Variants in REXO1 observed in about 807,000 individuals in gnomAD.
REXO1 encodes RNA exonuclease 1 homolog.
REXO1 carries 42 observed loss-of-function variants against 102.6 expected under a neutral mutation model. The ratio of observed to expected loss-of-function variants is 0.41; its 90% confidence interval spans 0.32 to 0.53. The LOEUF (loss-of-function observed/expected upper bound fraction) is 0.53. Ranked by LOEUF, REXO1 falls within the 20% of genes least tolerant of loss-of-function variation. The pLI, the probability that REXO1 is intolerant of heterozygous loss-of-function variation, is 0.27. For missense variants in REXO1, 1,819 were observed against 1,732.5 expected, an observed-to-expected ratio of 1.05 and a Z score of -0.89; for synonymous variants, 908 against 779.1, an observed-to-expected ratio of 1.17 and a Z score of -2.76.
Position 1,816,052 on chromosome 19 carries a change from G to A in REXO1, c.*14C>T, listed in dbSNP as rs1239631465. 1 of 1,540,374 alleles carries A rather than the reference G, an allele frequency of 6.5e-7. No individual in the cohort carries two copies. Among genetic ancestry groups the A allele is most frequent in the Non-Finnish European group, 8.7e-7 (1 of 1,146,976 alleles). ...GCGGGACGGCAGGAGAGGCGGGTGGGAGGCGGGCAGGCGTCATCGCTTGGT... is the reference window on the plus strand; with the variant it reads ...GCGGGACGGCAGGAGAGGCGGGTGGAAGGCGGGCAGGCGTCATCGCTTGGT... On this transcript the variant is annotated 3_prime_UTR_variant, in exon 16 of 16. Transcript: ENST00000170168.
chr19:1,828,254 T>C lies in REXO1; in HGVS notation c.535A>G (p.Lys179Glu), dbSNP rs1386649264. 4 of 1,606,590 alleles carry C rather than the reference T, an allele frequency of 2.5e-6. No homozygotes were observed. Among genetic ancestry groups the C allele is most frequent in the South Asian group, 1.1e-5 (1 of 90,786 alleles). ...PLAAPAEPGS[K>E]YSLASLDRGQ... ...CTGTCCAGGGACGCCAGCGAGTACT[T>C]GCTGCCCGGCTCGGCAGGGGCGGCC... Residue 179 changes from lysine (K) to glutamate (E), a missense_variant, in exon 2 of 16, where the codon AAG becomes GAG. Lys to Glu is a moderately conservative substitution (Grantham distance 56, BLOSUM62 1). Transcript: ENST00000170168.
chr19:1,815,574 G>C lies in REXO1; in HGVS notation c.*492C>G. On this transcript the variant is annotated 3_prime_UTR_variant, in exon 16 of 16. Coordinates refer to ENST00000170168, the MANE Select transcript of REXO1 (RefSeq NM_020695.4). The surrounding 1 kb of genome is among the most constrained non-coding windows in gnomAD (Gnocchi z 4.0). ...TCTGTCCCACCCCCACCCCGCAGGA[G>C]GGAAGGCAGCAGGCCCGCTCTTCCC... The C allele has an allele frequency of 1.3e-6, 1 of 778,812 alleles. No individual in the cohort carries two copies. The highest frequency in any genetic ancestry group is 1.7e-6 in the Non-Finnish European group (1 of 585,328). 48.2% of individuals were successfully genotyped at this position (778,812 alleles called of 1,614,324 possible).
At chr19:1,832,778 T>C (rs1326777936) in intron 1 of REXO1, among the ~76,000 whole-genome samples, 1 of 151,912 alleles carries the variant, frequency 6.6e-6, no homozygotes, top group Non-Finnish European at 1.5e-5. Flanking sequence ...TAGCCAGGCA[T>C]GGGGGCGTGC....
rs370241664 is a variant in REXO1, at chr19:1,816,030, G to A, written c.*36C>T. On this transcript the variant is annotated 3_prime_UTR_variant, in exon 16 of 16. Transcript: ENST00000170168. The stretch of plus-strand genomic sequence containing the variant: ...AGAGGCATGGGGCTAAGGACCAGCG[G>A]GACGGCAGGAGAGGCGGGTGGGAGG... The A allele has an allele frequency of 5.2e-6, 8 of 1,541,142 alleles. No homozygotes were observed. The African/African-American group carries it at 9.6e-5, about 18-fold the overall frequency.
At chr19:1,829,063 GGA>G (rs1281414152) in intron 1 of REXO1, among the ~76,000 whole-genome samples, 4 of 152,256 alleles carry the variant, frequency 2.6e-5, no homozygotes, top group African/African-American at 9.6e-5. Context: ...GGTGGACACA[GGA>G]GAGCCCTTCC....
chr19:1,835,403 C>T (rs993812692), intron 1 of REXO1, among the ~76,000 whole-genome samples: 1 of 152,154 alleles, frequency 6.6e-6, no homozygotes, highest in Non-Finnish European at 1.5e-5. Flanking sequence ...AAAAAATTAG[C>T]CAGGCCTGGT....
intron 1 of REXO1, among the ~76,000 whole-genome samples, chr19:1,842,084 G>A (rs1314081359): frequency 6.6e-6 from 1 of 152,128 alleles, no homozygotes; most frequent in Non-Finnish European, 1.5e-5. Context: ...GGTAGCAGGT[G>A]CCTGTAATCC....
Position 1,817,776 on chromosome 19 carries a change from G to A in REXO1, c.3021C>T (p.Ala1007=), listed in dbSNP as rs762331443. 1.8e-5 allele frequency: 29 copies of A among 1,611,480 alleles called. No homozygotes were observed. Among genetic ancestry groups the A allele is most frequent in the African/African-American group, 4.0e-5 (3 of 74,924 alleles). ...HWGRLRRNRV[A]GGWETQYMCC... ...ACATGTACTGGGTCTCCCAGCCTCC[G>A]GCCACTGCAGGGGACACAGACACAC... The change falls in exon 11 of 16, where the codon GCC becomes GCT. Residue 1007 remains alanine, a synonymous_variant. Coordinates refer to ENST00000170168, the MANE Select transcript of REXO1 (RefSeq NM_020695.4).
chr19:1,827,919 TTCTGAG>T lies in REXO1; in HGVS notation c.864_869del (p.Asp288_Ser289del). 3.7e-6 allele frequency: 6 copies of T among 1,613,802 alleles called. No homozygotes were observed. Among genetic ancestry groups the T allele is most frequent in the Non-Finnish European group, 5.1e-6 (6 of 1,179,890 alleles). On this transcript the variant is annotated inframe_deletion, in exon 2 of 16. Coordinates refer to ENST00000170168, the MANE Select transcript of REXO1 (RefSeq NM_020695.4). ...TACCTGGGACCGTGGCGGCCTCATC[TTCTGAG>T]TCTGAGAACCTTGCATCGCAACTGC...
intron 8 of REXO1, 28 bp downstream of exon 8, chr19:1,818,990 G>A (rs201180214): frequency 4.0e-5 from 63 of 1,583,396 alleles, no homozygotes; most frequent in East Asian, 3.6e-4. Flanking sequence ...ACGAAGCACC[G>A]TGTGGCAGAG....
chr19:1,825,994 C>A (rs575092220), intron 2 of REXO1, 51 bp from the exon 3 acceptor site: 12 of 1,322,134 alleles, frequency 9.1e-6, no homozygotes, highest in Admixed American at 5.1e-5. Context: ...CTGCCAACAC[C>A]AACACACCCC....
chr19:1,829,383 C>CGT (rs1226187413), intron 1 of REXO1, among the ~76,000 whole-genome samples: 2 of 152,114 alleles, frequency 1.3e-5, no homozygotes, highest in African/African-American at 4.8e-5. Flanking sequence ...GGATTACAGG[C>CGT]GTGCGCCATC....
At chr19:1,841,949 G>A (rs1261210969) in intron 1 of REXO1, among the ~76,000 whole-genome samples, 1 of 152,140 alleles carries the variant, frequency 6.6e-6, no homozygotes, top group African/African-American at 2.4e-5. Flanking sequence ...AGTGGCTCAC[G>A]CTTGTAATCC....
Position 1,816,419 on chromosome 19 carries a change from C to A in REXO1, c.3456+12G>T. 6.2e-7 allele frequency: 1 copy of A among 1,609,378 alleles called. No individual in the cohort carries two copies. The highest frequency in any genetic ancestry group is 1.1e-5 in the South Asian group (1 of 90,724). On this transcript the variant is annotated intron_variant, in intron 14 of 15. Transcript: ENST00000170168. Reference sequence around the variant, plus strand: ...GCTGGAGAACCGCGCGGGACCCGGGCCGGCAGGGCACCTTCAGGGCCAGGA... The same window carrying A: ...GCTGGAGAACCGCGCGGGACCCGGGACGGCAGGGCACCTTCAGGGCCAGGA...
chr19:1,819,916 C>T lies in REXO1; in HGVS notation c.2650+18G>A. On this transcript the variant is annotated intron_variant, in intron 7 of 15. Coordinates refer to ENST00000170168, the MANE Select transcript of REXO1 (RefSeq NM_020695.4). ...AAGAGCAACCCTGAGCCTCCCCCGC[C>T]CACCCGCCAGGACTCACTGCTGAGG... 6.4e-7 allele frequency: 1 copy of T among 1,551,504 alleles called. No individual in the cohort carries two copies. The highest frequency in any genetic ancestry group is 8.7e-7 in the Non-Finnish European group (1 of 1,152,616).
chr19:1,816,391 C>T, intron 14 of REXO1, 40 bp downstream of exon 14: 1 of 1,601,270 alleles, frequency 6.2e-7, no homozygotes, highest in Non-Finnish European at 8.5e-7. Context: ...CTGCGCAGGT[C>T]CTGCTGGAGA....
At chr19:1,835,560 A>G (rs577942722) in intron 1 of REXO1, among the ~76,000 whole-genome samples, 2 of 152,216 alleles carry the variant, frequency 1.3e-5, no homozygotes, top group South Asian at 2.1e-4. Context: ...ACATACATAC[A>G]TACATACACA....
rs140377408 is a variant in REXO1 at position 1,828,038 on chromosome 19, G to A, written c.751C>T (p.Arg251Trp). 51 of 1,612,692 alleles carry A rather than the reference G, an allele frequency of 3.2e-5. No homozygotes were observed. The highest frequency in any genetic ancestry group is 1.3e-4 in the Admixed American group (8 of 59,956). Residue 251 changes from arginine (R) to tryptophan (W), a missense_variant, in exon 2 of 16, where the codon CGG (arginine) becomes TGG (tryptophan). By Grantham distance (101) the Arg-to-Trp change is moderately radical. Transcript: ENST00000170168. ...SARHLSRASS[R>W]DERAAKRPRG... ...GGCCGCTTGGCGGCCCGCTCATCCC[G>A]GGAGCTGGCCCTGCTGAGGTGCCGG...
chr19:1,820,115 G>A lies in REXO1; in HGVS notation c.2527-58C>T, dbSNP rs2069487176. The A allele has an allele frequency of 1.9e-6, 3 of 1,576,350 alleles. 1 individual carries two copies. Among genetic ancestry groups the A allele is most frequent in the South Asian group, 2.3e-5 (2 of 86,350 alleles). On this transcript the variant is annotated intron_variant, in intron 6 of 15. Coordinates refer to ENST00000170168, the MANE Select transcript of REXO1 (RefSeq NM_020695.4). The stretch of plus-strand genomic sequence containing the variant: ...GCCTGCCTGGTGCCGGGGAGCCCCA[G>A]CGGTGGGGTCGCCATGGGGTCGGGG...
Sources: gnomAD v4.1 joint callset for allele counts (sites outside exome capture counted in the v4.1 genomes callset) on GRCh38, gnomAD v4.1.1 for gene constraint, Gnocchi (gnomAD v3.1) non-coding constraint, MANE v1.5 for transcripts, NCBI Gene and HGNC (gene_info 2026-07-23, HGNC 2026-07-21) for gene names.